The following MAML3 variants were observed in gnomAD, a reference collection of about 807,000 sequenced individuals.
The protein encoded by MAML3 is mastermind like transcriptional coactivator 3.
MAML3 carries 27 observed loss-of-function variants against 101.9 expected under a neutral mutation model. The observed-to-expected ratio is 0.27, with a 90% confidence interval of 0.20 to 0.37. MAML3 has a LOEUF of 0.37. Among genes scored for constraint, MAML3 ranks in the 10% least tolerant of loss-of-function variants. The pLI, the probability that MAML3 is intolerant of heterozygous loss-of-function variation, is 1.00. For synonymous variants in MAML3, 501 were observed against 555.9 expected, an observed-to-expected ratio of 0.90 and a Z score of 1.39; for missense variants, 1,316 against 1,444.9, an observed-to-expected ratio of 0.91 and a Z score of 1.45.
chr4:139,990,657 G>A (rs1216978733), intron 1 of MAML3, among the ~76,000 whole-genome samples: 37 of 151,658 alleles, frequency 2.4e-4, no homozygotes, highest in Admixed American at 8.6e-4. Context: ...AAACCCCATC[G>A]TCTCAGCCCA....
intron 2 of MAML3, among the ~76,000 whole-genome samples, chr4:139,851,584 TGTTCCTACTTGGC>T (rs558303858): frequency 8.5e-4 from 130 of 152,356 alleles, no homozygotes; most frequent in African/African-American, 3.0e-3. Context: ...CAGAGGACCA[TGTTCCTACTTGGC>T]GATATGGGGC....
intron 2 of MAML3, among the ~76,000 whole-genome samples, chr4:139,853,199 C>T (rs986275906): frequency 6.6e-6 from 1 of 152,176 alleles, no homozygotes; most frequent in Admixed American, 6.5e-5. Context: ...TAAGGACAGG[C>T]TTCTAATCTG....
chr4:139,923,935 T>C (rs1733175185), intron 1 of MAML3, among the ~76,000 whole-genome samples: 1 of 152,210 alleles, frequency 6.6e-6, no homozygotes, highest in African/African-American at 2.4e-5. Flanking sequence ...GACCCTGTTT[T>C]GATAGTACCT....
intron 1 of MAML3, among the ~76,000 whole-genome samples, chr4:140,057,259 T>A (rs930464962): frequency 1.3e-5 from 2 of 152,166 alleles, no homozygotes; most frequent in African/African-American, 4.8e-5. Flanking sequence ...CAGAACGAGA[T>A]CTTGTCTCTA....
intron 1 of MAML3, among the ~76,000 whole-genome samples, chr4:140,041,134 T>A (rs1727078933): frequency 6.6e-6 from 1 of 152,176 alleles, no homozygotes; most frequent in South Asian, 2.1e-4. Context: ...TCCAATAATA[T>A]GCATTTCTAT....
chr4:139,990,923 C>T (rs1160668189), intron 1 of MAML3, among the ~76,000 whole-genome samples: 2 of 152,308 alleles, frequency 1.3e-5, no homozygotes, highest in South Asian at 4.1e-4. Flanking sequence ...AATGGAAGAA[C>T]ATTCCATGCT....
intron 3 of MAML3, among the ~76,000 whole-genome samples, chr4:139,727,286 C>A (rs1216784603): frequency 6.6e-6 from 1 of 152,146 alleles, no homozygotes; most frequent in Non-Finnish European, 1.5e-5. Context: ...ATTGTGTAGA[C>A]CATTAAAGTG....
intron 2 of MAML3, among the ~76,000 whole-genome samples, chr4:139,753,200 A>G (rs938385764): frequency 6.6e-6 from 1 of 152,204 alleles, no homozygotes; most frequent in African/African-American, 2.4e-5. Context: ...ACTCCTTTTA[A>G]GTGTACAATT....
In MAML3 at chr4:139,795,720, T is replaced by C. The variant is rs17050915; in HGVS notation, c.2080-65053A>G. ...AAGCTGCAAGCAGGAAACAAGCTTC[T>C]GTCTTTTTAGCGGACCTCCTGAATG... On this transcript the variant is annotated intron_variant, in intron 2 of 4. Coordinates refer to ENST00000509479, the MANE Select transcript of MAML3 (RefSeq NM_018717.5). Among the ~76,000 whole-genome samples the C allele has an allele frequency of 3.5e-3, 530 of 152,324 alleles. 3 individuals carry two copies. Among genetic ancestry groups the C allele is most frequent in the East Asian group, 0.02 (103 of 5,184 alleles).
intron 1 of MAML3, among the ~76,000 whole-genome samples, chr4:139,949,769 G>T: frequency 6.6e-6 from 1 of 152,202 alleles, no homozygotes; most frequent in South Asian, 2.1e-4. Context: ...CATTTTAGTT[G>T]TTAACTTGAC....
chr4:140,073,430 G>A (rs547919606), intron 1 of MAML3, among the ~76,000 whole-genome samples: 2 of 152,032 alleles, frequency 1.3e-5, no homozygotes, highest in Admixed American at 6.5e-5. Flanking sequence ...GAACCACCTC[G>A]CCCAACCCTT....
At chr4:139,912,787 A>G (rs1732956494) in intron 1 of MAML3, among the ~76,000 whole-genome samples, 1 of 152,240 alleles carries the variant, frequency 6.6e-6, no homozygotes, top group Admixed American at 6.5e-5. Context: ...AGAGTTAAGG[A>G]AGGATTCTCT....
intron 2 of MAML3, among the ~76,000 whole-genome samples, chr4:139,799,087 A>G (rs1730564361): frequency 6.6e-6 from 1 of 152,220 alleles, no homozygotes; most frequent in Admixed American, 6.5e-5. Flanking sequence ...TCTCTGTTCC[A>G]TGGTTAATAA....
intron 1 of MAML3, among the ~76,000 whole-genome samples, chr4:139,946,348 G>C (rs183706159): frequency 1.3e-5 from 2 of 152,236 alleles, no homozygotes; most frequent in African/African-American, 4.8e-5. Context: ...ATGTGGGCTT[G>C]AGCAAATTTT....
chr4:139,726,715 AC>A (rs1310241692), intron 3 of MAML3, among the ~76,000 whole-genome samples: 3 of 152,200 alleles, frequency 2.0e-5, no homozygotes, highest in Non-Finnish European at 4.4e-5. Context: ...CTTTGAGGAA[AC>A]CATGTGGGAT....
intron 1 of MAML3, among the ~76,000 whole-genome samples, chr4:140,035,321 G>A (rs1386704748): frequency 2.0e-5 from 3 of 152,118 alleles, no homozygotes; most frequent in Admixed American, 1.3e-4. Flanking sequence ...GAAAGTTCAT[G>A]TTCCAAATAT....
chr4:139,936,465 C>T (rs911039335), intron 1 of MAML3, among the ~76,000 whole-genome samples: 1 of 152,174 alleles, frequency 6.6e-6, no homozygotes, highest in African/African-American at 2.4e-5. Flanking sequence ...TGAGGGACCT[C>T]TATACTGTTC....
intron 1 of MAML3, among the ~76,000 whole-genome samples, chr4:139,929,116 A>G (rs1560839178): frequency 6.6e-6 from 1 of 152,190 alleles, no homozygotes; most frequent in East Asian, 1.9e-4. Context: ...AAAGTGTTCA[A>G]TAGCCCCCCA....
chr4:139,990,725 A>G (rs1249082529), intron 1 of MAML3, among the ~76,000 whole-genome samples: 6 of 152,038 alleles, frequency 3.9e-5, no homozygotes, highest in South Asian at 4.1e-4. Flanking sequence ...AAATCAATGT[A>G]CAAAAATCAC....
Sources: allele counts gnomAD v4.1 joint callset (sites outside exome capture counted in the v4.1 genomes callset), GRCh38; gene constraint gnomAD v4.1.1; transcripts MANE v1.5; gene names NCBI Gene and HGNC (gene_info 2026-07-23, HGNC 2026-07-21).